Variants in SOX5 observed in about 807,000 individuals in gnomAD.
SOX5 encodes the protein transcription factor SOX-5.
A neutral mutation model predicts 92.0 loss-of-function variants in SOX5; 9 were observed. The ratio of observed to expected loss-of-function variants is 0.10; its 90% confidence interval spans 0.06 to 0.17. SOX5 has a LOEUF of 0.17. Among genes scored for constraint, SOX5 ranks in the 10% least tolerant of loss-of-function variants. The pLI is 1.00. For synonymous variants in SOX5, 344 were observed against 336.3 expected (o/e 1.02, Z -0.25); for missense variants, 642 against 944.5 (o/e 0.68, Z 4.20).
rs912554494 is a variant in SOX5, at chr12:24,362,869, A to G, written c.-174+5694T>C. ...CAGTGGGCTAAGAAACCACAGTGAA[A>G]AAAAAAAAAAAAAAAGGAGGGCTAT... On this transcript the variant is annotated intron_variant, in intron 2 of 4. Coordinates refer to the SOX5 transcript ENST00000446891. Among the ~76,000 whole-genome samples the G allele has an allele frequency of 2.0e-5, 3 of 148,642 alleles. No homozygotes were observed. The Admixed American group carries it at 2.0e-4, about 10-fold the overall frequency.
rs12317381 is a variant in SOX5, at chr12:24,019,819, A to G, written c.-1-123795T>C. Among the ~76,000 whole-genome samples the G allele has an allele frequency of 6.2e-3, 945 of 152,284 alleles. 10 individuals carry two copies. Among genetic ancestry groups the G allele is most frequent in the African/African-American group, 0.021 (867 of 41,560 alleles). On this transcript the variant is annotated intron_variant, in intron 4 of 4. Coordinates refer to the SOX5 transcript ENST00000446891. Reference sequence around the variant, plus strand: ...GTGAACTGAAGCTCCATTTTACTTAACATCATTTGATCTAGATCTGTAAAT... The same window carrying G: ...GTGAACTGAAGCTCCATTTTACTTAGCATCATTTGATCTAGATCTGTAAAT...
chr12:24,078,303 G>C (rs1037012646), intron 4 of SOX5, among the ~76,000 whole-genome samples: 1 of 151,982 alleles, frequency 6.6e-6, no homozygotes, highest in African/African-American at 2.4e-5. Flanking sequence ...AATACAGTTT[G>C]TACGAGGAGG....
intron 2 of SOX5, among the ~76,000 whole-genome samples, chr12:24,288,093 G>T (rs1469535818): frequency 2.0e-5 from 3 of 152,178 alleles, no homozygotes; most frequent in Non-Finnish European, 4.4e-5. Flanking sequence ...TTTAAAGTGG[G>T]ATTAGCACAG....
chr12:23,703,996 G>A (rs2091029567), intron 6 of SOX5, among the ~76,000 whole-genome samples: 1 of 151,864 alleles, frequency 6.6e-6, no homozygotes, highest in South Asian at 2.1e-4. Flanking sequence ...TGGGCACATG[G>A]GTGAGATGAT....
At chr12:23,759,421 G>T (rs917931717) in intron 3 of SOX5, among the ~76,000 whole-genome samples, 2 of 151,956 alleles carry the variant, frequency 1.3e-5, no homozygotes, top group African/African-American at 4.8e-5. Flanking sequence ...GCCTGTGGGG[G>T]TGACGAGGGA....
intron 1 of SOX5, among the ~76,000 whole-genome samples, chr12:24,403,674 G>A (rs1013145716): frequency 3.9e-5 from 6 of 152,186 alleles, no homozygotes; most frequent in Non-Finnish European, 7.4e-5. Flanking sequence ...TTATTTACAT[G>A]GCCAACAGTC....
intron 1 of SOX5, among the ~76,000 whole-genome samples, chr12:24,542,153 C>T (rs1224753782): frequency 6.6e-6 from 1 of 152,204 alleles, no homozygotes; most frequent in Non-Finnish European, 1.5e-5. Context: ...CTCCTCCAAC[C>T]TCAACCTTCA....
intron 2 of SOX5, among the ~76,000 whole-genome samples, chr12:23,857,739 T>C (rs1036968009): frequency 2.0e-5 from 3 of 151,392 alleles, no homozygotes; most frequent in South Asian, 2.1e-4. Context: ...TTCTTTCTTT[T>C]TTTTTTTTTT....
intron 4 of SOX5, among the ~76,000 whole-genome samples, chr12:24,086,016 C>T (rs567908854): frequency 6.6e-6 from 1 of 150,658 alleles, no homozygotes; most frequent in African/African-American, 2.4e-5. Flanking sequence ...TAGTAAAATA[C>T]TTAAAGTATT....
intron 5 of SOX5, among the ~76,000 whole-genome samples, chr12:23,736,975 G>A (rs1216165636): frequency 2.0e-5 from 3 of 151,540 alleles, no homozygotes; most frequent in Admixed American, 6.6e-5. Context: ...TTACAGGCGT[G>A]AGCCACAGTG....
At chr12:23,884,982 T>C (rs1358891421) in intron 2 of SOX5, among the ~76,000 whole-genome samples, 1 of 152,214 alleles carries the variant, frequency 6.6e-6, no homozygotes, top group Admixed American at 6.6e-5. Context: ...TCAACAAGGC[T>C]TTCAACATTG....
At chr12:24,519,889 A>C (rs1950116835) in intron 1 of SOX5, among the ~76,000 whole-genome samples, 1 of 152,164 alleles carries the variant, frequency 6.6e-6, no homozygotes. Context: ...TTACAATCAA[A>C]TTGTCATAAG....
chr12:24,355,969 T>A (rs1364724728), intron 2 of SOX5, among the ~76,000 whole-genome samples: 1 of 152,202 alleles, frequency 6.6e-6, no homozygotes, highest in African/African-American at 2.4e-5. Flanking sequence ...AATAGAAAGA[T>A]GCAATTGGTC....
chr12:23,743,678 A>G (rs10842220), intron 4 of SOX5, among the ~76,000 whole-genome samples: 87,791 of 152,074 alleles, frequency 0.58, 26,933 homozygotes, highest in East Asian at 0.81. Flanking sequence ...ATGCGGAAGT[A>G]TAAGTTAAAA....
chr12:23,627,253 T>A (rs539884933), intron 8 of SOX5, among the ~76,000 whole-genome samples: 1 of 152,328 alleles, frequency 6.6e-6, no homozygotes, highest in Non-Finnish European at 1.5e-5. Context: ...GTATTTTTAG[T>A]AAGAATTGAA....
At chr12:24,154,674 G>A (rs1322374302) in intron 4 of SOX5, among the ~76,000 whole-genome samples, 1 of 151,992 alleles carries the variant, frequency 6.6e-6, no homozygotes, top group African/African-American at 2.4e-5. Flanking sequence ...GAAAAGGGCA[G>A]GATATAAAAG....
intron 4 of SOX5, chr12:24,212,310 A>C (rs1958708118): frequency 2.0e-6 from 1 of 492,616 alleles, no homozygotes; most frequent in South Asian, 1.6e-5. Flanking sequence ...AGATAGAATA[A>C]CTTTAAGCTT....
chr12:24,316,900 G>A (rs1171775274), intron 2 of SOX5, among the ~76,000 whole-genome samples: 5 of 152,006 alleles, frequency 3.3e-5, no homozygotes, highest in Non-Finnish European at 7.4e-5. Context: ...TCCTGAAGCA[G>A]GATTGAAAAA....
chr12:23,808,191 A>G (rs2095815500), intron 3 of SOX5, among the ~76,000 whole-genome samples: 1 of 152,038 alleles, frequency 6.6e-6, no homozygotes, highest in Admixed American at 6.6e-5. Flanking sequence ...TTAAGGGGAG[A>G]TATCTCTACA....
Sources: allele counts gnomAD v4.1 joint callset (sites outside exome capture counted in the v4.1 genomes callset), GRCh38; gene constraint gnomAD v4.1.1; transcripts MANE v1.5; gene names NCBI Gene and HGNC (gene_info 2026-07-23, HGNC 2026-07-21).